Variants in STXBP5L observed in about 807,000 individuals in gnomAD.
STXBP5L encodes the protein syntaxin binding protein 5L.
In STXBP5L, 65 loss-of-function variants were observed where a neutral mutation model predicts 144.5. That is an observed-to-expected ratio of 0.45 (90% CI 0.37 to 0.55). The LOEUF is 0.55. Among genes scored for constraint, STXBP5L ranks in the 20% least tolerant of loss-of-function variants. STXBP5L has a pLI of 0.00. For synonymous variants in STXBP5L, 505 were observed against 469.6 expected, an observed-to-expected ratio of 1.08 and a Z score of -0.97; for missense variants, 1,298 against 1,405.5, an observed-to-expected ratio of 0.92 and a Z score of 1.22.
chr3:121,256,734 TTG>T (rs2050218730), intron 16 of STXBP5L, among the ~76,000 whole-genome samples: 1 of 151,782 alleles, frequency 6.6e-6, no homozygotes. Context: ...ATATACACGT[TTG>T]TGTGTGTATA....
chr3:121,084,204 AATTTT>A (rs1465227240), intron 5 of STXBP5L, among the ~76,000 whole-genome samples: 2 of 151,714 alleles, frequency 1.3e-5, no homozygotes, highest in African/African-American at 4.8e-5. Context: ...TTATTATTGT[AATTTT>A]ATTTTATTTT....
chr3:120,968,284 G>C (rs763824412), intron 3 of STXBP5L, among the ~76,000 whole-genome samples: 2 of 152,074 alleles, frequency 1.3e-5, no homozygotes, highest in African/African-American at 4.8e-5. Flanking sequence ...GGGTGCTCTG[G>C]TGTTGACTGC....
chr3:121,294,916 T>C (rs1009618563), intron 19 of STXBP5L, among the ~76,000 whole-genome samples: 2 of 152,124 alleles, frequency 1.3e-5, no homozygotes, highest in Non-Finnish European at 2.9e-5. Flanking sequence ...AAGTTGTTAG[T>C]GACCCTTTAA....
chr3:121,398,984 T>C (rs1445258832), intron 22 of STXBP5L, among the ~76,000 whole-genome samples: 2 of 152,082 alleles, frequency 1.3e-5, no homozygotes, highest in Non-Finnish European at 2.9e-5. Context: ...TTTCACCCAG[T>C]GTCCTCCGGA....
At chr3:121,352,911 A>C (rs2045351549) in intron 20 of STXBP5L, among the ~76,000 whole-genome samples, 1 of 152,106 alleles carries the variant, frequency 6.6e-6, no homozygotes, top group African/African-American at 2.4e-5. Context: ...AGTTTTGTCA[A>C]AGGCCTTTTC....
intron 5 of STXBP5L, among the ~76,000 whole-genome samples, chr3:121,063,612 C>A (rs931113328): frequency 1.8e-4 from 28 of 152,216 alleles, no homozygotes; most frequent in Non-Finnish European, 1.3e-4. Context: ...CCTCCAGGTG[C>A]TCTGTCCCAG....
Position 121,424,294 on chromosome 3 carries a change from T to C in STXBP5L, c.*5197T>C, listed in dbSNP as rs1000636810. On this transcript the variant is annotated 3_prime_UTR_variant, in exon 27 of 27. Coordinates refer to ENST00000471454, the MANE Select transcript of STXBP5L (RefSeq NM_001308330.2). ...GATTTATTTTCTTAGTCTTTGGACA[T>C]GTGTTTAAAGGAAAAGAATACCTGT... is the stretch of plus-strand genomic sequence containing the variant. 1 of 152,154 alleles carries C rather than the reference T, an allele frequency of 6.6e-6. No homozygotes were observed. The highest frequency in any genetic ancestry group is 2.4e-5 in the African/African-American group (1 of 41,444). The allele number at this position is 152,154 out of a possible 1,614,324, so 9.4% of individuals were successfully genotyped here. A position where few individuals can be genotyped will look rare whatever the true frequency, so the allele number is the denominator to read the frequency against.
chr3:121,340,474 T>A (rs1576217946), intron 20 of STXBP5L, among the ~76,000 whole-genome samples: 1 of 151,872 alleles, frequency 6.6e-6, no homozygotes, highest in South Asian at 2.1e-4. Flanking sequence ...AATGCTATCC[T>A]TCCCCCAGCC....
chr3:120,918,884 C>A (rs1487056653), intron 2 of STXBP5L, among the ~76,000 whole-genome samples: 1 of 152,074 alleles, frequency 6.6e-6, no homozygotes, highest in Non-Finnish European at 1.5e-5. Context: ...GTCCTGATTT[C>A]TTTATGAACT....
chr3:121,143,806 C>T (rs1439065181), intron 7 of STXBP5L, among the ~76,000 whole-genome samples: 1 of 151,730 alleles, frequency 6.6e-6, no homozygotes, highest in Non-Finnish European at 1.5e-5. Flanking sequence ...AACATCAATT[C>T]AAAATGGATT....
intron 5 of STXBP5L, among the ~76,000 whole-genome samples, chr3:121,055,698 G>T (rs976994713): frequency 2.6e-5 from 4 of 151,124 alleles, no homozygotes; most frequent in African/African-American, 9.7e-5. Context: ...AGTAGAGATG[G>T]TTTCTTACTA....
chr3:121,383,760 C>CT (rs2046368059), intron 22 of STXBP5L, among the ~76,000 whole-genome samples: 1 of 152,110 alleles, frequency 6.6e-6, no homozygotes, highest in African/African-American at 2.4e-5. Flanking sequence ...TCAGAGCCTA[C>CT]TTATTGACTA....
At chr3:121,233,226 G>A (rs1472742547) in intron 11 of STXBP5L, among the ~76,000 whole-genome samples, 1 of 152,160 alleles carries the variant, frequency 6.6e-6, no homozygotes, top group Non-Finnish European at 1.5e-5. Context: ...CAGAGAAGCA[G>A]AGATACTATT....
chr3:121,030,644 G>A (rs1319166025), intron 3 of STXBP5L, among the ~76,000 whole-genome samples: 1 of 151,994 alleles, frequency 6.6e-6, no homozygotes, highest in African/African-American at 2.4e-5. Context: ...AAACCAGCAC[G>A]TTCTGCACCT....
intron 11 of STXBP5L, among the ~76,000 whole-genome samples, chr3:121,227,614 T>A (rs2049161188): frequency 6.6e-6 from 1 of 152,078 alleles, no homozygotes; most frequent in African/African-American, 2.4e-5. Context: ...GATTAGCAAT[T>A]TTGGACTATA....
At chr3:121,028,231 G>T (rs1342621639) in intron 3 of STXBP5L, among the ~76,000 whole-genome samples, 1 of 151,988 alleles carries the variant, frequency 6.6e-6, no homozygotes, top group African/African-American at 2.4e-5. Flanking sequence ...TAAGTGGATT[G>T]TTTGCTGTGT....
chr3:121,180,844 G>A (rs1297421249), intron 9 of STXBP5L, among the ~76,000 whole-genome samples: 1 of 151,994 alleles, frequency 6.6e-6, no homozygotes, highest in South Asian at 2.1e-4. Context: ...TTGCACTCCA[G>A]CCTGGACAAC....
chr3:121,424,467 C>G lies in STXBP5L; in HGVS notation c.*5370C>G, dbSNP rs1345043045. 1 of 152,186 alleles carries G rather than the reference C, an allele frequency of 6.6e-6. No homozygotes were observed. Among genetic ancestry groups the G allele is most frequent in the Non-Finnish European group, 1.5e-5 (1 of 68,034 alleles). 9.4% of individuals were successfully genotyped at this position (152,186 alleles called of 1,614,324 possible). A position where few individuals can be genotyped will look rare whatever the true frequency, so the allele number is the denominator to read the frequency against. ...GCTTTCCCTCTGCTGTTGGCCCACC[C>G]TTCTTGACTGCAAAGCCAGAAAATA... On this transcript the variant is annotated 3_prime_UTR_variant, in exon 27 of 27. Transcript: ENST00000471454.
chr3:121,401,105 G>C (rs1399153662), intron 22 of STXBP5L, among the ~76,000 whole-genome samples: 1 of 152,062 alleles, frequency 6.6e-6, no homozygotes, highest in Non-Finnish European at 1.5e-5. Flanking sequence ...TGAGAGCAAT[G>C]GTTGCCCCCT....
Sources: allele counts gnomAD v4.1 joint callset (sites outside exome capture counted in the v4.1 genomes callset), GRCh38; gene constraint gnomAD v4.1.1; transcripts MANE v1.5; gene names NCBI Gene and HGNC (gene_info 2026-07-23, HGNC 2026-07-21).